Variants in CNTLN observed in about 807,000 individuals in gnomAD.
CNTLN encodes the protein centlein.
CNTLN carries 212 observed loss-of-function variants against 180.0 expected under a neutral mutation model. The ratio of observed to expected loss-of-function variants is 1.18; its 90% CI spans 1.05 to 1.32. The LOEUF is 1.32. Among genes scored for constraint, CNTLN ranks in the 40% most tolerant of loss-of-function variants. The probability of loss-of-function intolerance (pLI) is 0.00; values close to 1 mark genes in which losing one functional copy is unlikely to be tolerated. For missense variants in CNTLN, 2,095 were observed against 1,610.9 expected (o/e 1.30, Z -5.14); for synonymous variants, 722 against 563.1 (o/e 1.28, Z -3.99).
chr9:17,393,993 T>C (rs1006736596), intron 14 of CNTLN, among the ~76,000 whole-genome samples: 4 of 151,860 alleles, frequency 2.6e-5, no homozygotes, highest in African/African-American at 9.7e-5. Context: ...TAATTTAAAA[T>C]TGTTAGACTT....
At chr9:17,442,831 G>A (rs1830186377) in intron 18 of CNTLN, among the ~76,000 whole-genome samples, 2 of 152,166 alleles carry the variant, frequency 1.3e-5, no homozygotes, top group Non-Finnish European at 2.9e-5. Context: ...GTTGTAAGAG[G>A]GAAGTTTATG....
At chr9:17,511,681 C>T in the CNTLN span, among the ~76,000 whole-genome samples, 6 of 151,734 alleles carry the variant, frequency 4.0e-5, no homozygotes, top group African/African-American at 1.5e-4. Flanking sequence ...CGCACACGTG[C>T]ACACCCACAC....
At chr9:17,303,693 G>A (rs937561938) in intron 7 of CNTLN, among the ~76,000 whole-genome samples, 7 of 151,908 alleles carry the variant, frequency 4.6e-5, no homozygotes, top group African/African-American at 1.4e-4. Context: ...TCTTATTCTA[G>A]AGCATTATAT....
chr9:17,301,019 T>C (rs1818306895), intron 7 of CNTLN: 3 of 984,594 alleles, frequency 3.0e-6, no homozygotes, highest in Non-Finnish European at 3.6e-6. Flanking sequence ...GTTGTAATAG[T>C]AGTAGAGGGA....
At chr9:17,298,790 G>A (rs927507536) in intron 7 of CNTLN, 4 of 986,080 alleles carry the variant, frequency 4.1e-6, no homozygotes, top group Non-Finnish European at 4.8e-6. Context: ...AGGGCTTTAG[G>A]ATCAATATTT....
intron 7 of CNTLN, chr9:17,299,845 A>G (rs1221315809): frequency 1.0e-6 from 1 of 975,804 alleles, no homozygotes; most frequent in Non-Finnish European, 1.2e-6. Context: ...GTTGCTTGAA[A>G]CATTTTTTTC....
rs561957628 is a variant in CNTLN at position 17,235,026 on chromosome 9, G to A, written c.535-632G>A. On this transcript the variant is annotated intron_variant, in intron 3 of 25. Transcript: ENST00000380647. ...GAGGAAAGATCAGCAGCCAAGAGAG[G>A]TGCTACATTTTCTGAGAGAAAAGAT... Among the ~76,000 whole-genome samples the A allele has an allele frequency of 5.3e-5, 8 of 152,240 alleles. No individual in the cohort carries two copies. In the East Asian group the frequency reaches 1.5e-3, roughly 29 times the overall value.
chr9:17,403,590 G>A (rs920672946), intron 15 of CNTLN, among the ~76,000 whole-genome samples: 1 of 148,146 alleles, frequency 6.8e-6, no homozygotes, highest in South Asian at 2.1e-4. Context: ...GTATGGTTTT[G>A]TCTATTATAT....
intron 8 of CNTLN, among the ~76,000 whole-genome samples, chr9:17,328,283 A>G (rs1587670461): frequency 2.6e-5 from 4 of 152,322 alleles, no homozygotes; most frequent in South Asian, 2.1e-4. Context: ...ATAGCAGATT[A>G]TACTTCTACC....
At chr9:17,450,065 G>A (rs1830693987) in intron 18 of CNTLN, among the ~76,000 whole-genome samples, 1 of 152,174 alleles carries the variant, frequency 6.6e-6, no homozygotes, top group South Asian at 2.1e-4. Flanking sequence ...TTAACTCCTT[G>A]TAAATGTTAT....
intron 2 of CNTLN, among the ~76,000 whole-genome samples, chr9:17,157,637 G>T (rs1324012485): frequency 6.6e-6 from 1 of 152,162 alleles, no homozygotes; most frequent in Non-Finnish European, 1.5e-5. Flanking sequence ...TCCAATGTTG[G>T]TGGCCATCAT....
At chr9:17,355,619 G>C (rs1269797147) in intron 12 of CNTLN, among the ~76,000 whole-genome samples, 1 of 152,146 alleles carries the variant, frequency 6.6e-6, no homozygotes, top group Admixed American at 6.5e-5. Context: ...TATGTGGTGT[G>C]AAGTAGGGGG....
chr9:17,239,340 A>G (rs181352537), intron 5 of CNTLN, among the ~76,000 whole-genome samples: 185 of 152,320 alleles, frequency 1.2e-3, no homozygotes, highest in Non-Finnish European at 1.7e-3. Context: ...AGAAATGTCT[A>G]TTCAAATCTT....
At chr9:17,357,020 C>A (rs893547208) in intron 12 of CNTLN, among the ~76,000 whole-genome samples, 1 of 151,972 alleles carries the variant, frequency 6.6e-6, no homozygotes, top group African/African-American at 2.4e-5. Context: ...TTCTCATTTC[C>A]TACTTCTCAC....
intron 8 of CNTLN, among the ~76,000 whole-genome samples, chr9:17,327,297 C>T (rs4563978): frequency 0.59 from 74,720 of 127,724 alleles, 20,133 homozygotes; most frequent in Non-Finnish European, 0.66. Flanking sequence ...CTGCAAACTC[C>T]GCCTCCCAGG....
chr9:17,519,784 G>A, the CNTLN span, among the ~76,000 whole-genome samples: 1 of 152,206 alleles, frequency 6.6e-6, no homozygotes, highest in African/African-American at 2.4e-5. Context: ...GAGAGGATGA[G>A]AAGGTCAAAC....
At chr9:17,374,713 G>C (rs1564044157) in intron 13 of CNTLN, among the ~76,000 whole-genome samples, 1 of 151,950 alleles carries the variant, frequency 6.6e-6, no homozygotes, top group Non-Finnish European at 1.5e-5. Flanking sequence ...TACAAAATGA[G>C]AGGGGTGTGG....
At position 17,298,330 on chromosome 9, in the gene CNTLN, C is replaced by T. The variant is rs551520196; in HGVS notation, c.1124C>T (p.Ala375Val). Residue 375 changes from alanine (A) to valine (V), a missense_variant, in exon 7 of 26, where the codon GCT becomes GTT. Coordinates refer to ENST00000380647, the MANE Select transcript of CNTLN (RefSeq NM_017738.4). Reference protein sequence around the residue: ...VLRNQEDVHTAESISYQKLYN... With the variant: ...VLRNQEDVHTVESISYQKLYN... ...AGAAATCAGGAAGATGTTCACACAGCTGAAAGTATATCATATCAAAAAGTA... is the reference window on the plus strand; with the variant it reads ...AGAAATCAGGAAGATGTTCACACAGTTGAAAGTATATCATATCAAAAAGTA... The T allele has an allele frequency of 3.4e-4, 546 of 1,611,680 alleles. 4 individuals are homozygous for T. The South Asian group carries it at 5.8e-3, about 17-fold the overall frequency.
chr9:17,159,997 T>G (rs1408076354), intron 2 of CNTLN, among the ~76,000 whole-genome samples: 1 of 152,188 alleles, frequency 6.6e-6, no homozygotes, highest in Non-Finnish European at 1.5e-5. Flanking sequence ...TTTGTTATAC[T>G]TCAATAGATA....
Sources: gnomAD v4.1 joint callset for allele counts (sites outside exome capture counted in the v4.1 genomes callset) on GRCh38, gnomAD v4.1.1 for gene constraint, MANE v1.5 for transcripts, NCBI Gene and HGNC (gene_info 2026-07-23, HGNC 2026-07-21) for gene names.